Variants in FBXL4 observed in about 807,000 individuals in gnomAD.
The protein encoded by FBXL4 is F-box/LRR-repeat protein 4.
FBXL4 carries 40 observed loss-of-function variants against 58.9 expected under a neutral mutation model. The ratio of observed to expected loss-of-function variants is 0.68; its 90% confidence interval spans 0.53 to 0.88. The LOEUF is 0.88. Ranked by LOEUF, FBXL4 falls within the 40% of genes least tolerant of loss-of-function variation. FBXL4 has a pLI of 0.00. For synonymous variants in FBXL4, 263 were observed against 265.5 expected (o/e 0.99, Z 0.09); for missense variants, 676 against 734.4 (o/e 0.92, Z 0.92).
At chr6:98,884,171 TG>T (rs1770951029) in intron 7 of FBXL4, among the ~76,000 whole-genome samples, 1 of 152,136 alleles carries the variant, frequency 6.6e-6, no homozygotes, top group Non-Finnish European at 1.5e-5. Flanking sequence ...GTAGCATTGC[TG>T]TAAATTCTTT....
Position 98,924,587 on chromosome 6 carries a change from T to C in FBXL4, c.512+1890A>G, listed in dbSNP as rs150658029. ...AAAACAAAAGATCCTACTCCATTTTTTCCTCTTAGGGAGAAAACAAAAATC... is the reference window on the plus strand; with the variant it reads ...AAAACAAAAGATCCTACTCCATTTTCTCCTCTTAGGGAGAAAACAAAAATC... On this transcript the variant is annotated intron_variant, in intron 4 of 9. Coordinates refer to ENST00000369244, the MANE Select transcript of FBXL4 (RefSeq NM_001278716.2). Among the ~76,000 whole-genome samples, 410 of 152,260 alleles carry C rather than the reference T, an allele frequency of 2.7e-3. 2 individuals are homozygous for C. The highest frequency in any genetic ancestry group is 9.4e-3 in the African/African-American group (390 of 41,558).
chr6:98,923,032 A>G (rs565615408), intron 4 of FBXL4, among the ~76,000 whole-genome samples: 15 of 152,270 alleles, frequency 9.9e-5, no homozygotes, highest in Admixed American at 9.8e-4. Flanking sequence ...GTTTACACTT[A>G]CAACCTTCTT....
At chr6:98,912,916 T>C (rs1429229758) in intron 5 of FBXL4, among the ~76,000 whole-genome samples, 1 of 152,064 alleles carries the variant, frequency 6.6e-6, no homozygotes, top group African/African-American at 2.4e-5. Flanking sequence ...ATCAGTGTGC[T>C]GTATTCAGGA....
intron 7 of FBXL4, among the ~76,000 whole-genome samples, chr6:98,891,179 G>A (rs557042981): frequency 5.3e-5 from 8 of 152,176 alleles, no homozygotes; most frequent in African/African-American, 1.7e-4. Flanking sequence ...ACATTGTGGT[G>A]GAGAGTTAGA....
chr6:98,889,662 G>C (rs1771154980), intron 7 of FBXL4, among the ~76,000 whole-genome samples: 1 of 139,422 alleles, frequency 7.2e-6, no homozygotes, highest in African/African-American at 2.8e-5. Flanking sequence ...CTGGGTGACA[G>C]AGTGACACCC....
At chr6:98,897,320 G>A (rs1012703112) in intron 7 of FBXL4, 3 of 984,960 alleles carry the variant, frequency 3.0e-6, no homozygotes, top group Non-Finnish European at 2.4e-6. Flanking sequence ...CACACAAATG[G>A]GGAGTCATTT....
At chr6:98,874,469 A>C (rs774597212) in intron 9 of FBXL4, 28 bp from the exon 10 acceptor site, 32 of 1,591,696 alleles carry the variant, frequency 2.0e-5, no homozygotes, top group Non-Finnish European at 2.4e-5. Flanking sequence ...AACAAAACAA[A>C]ACAAAACACC....
chr6:98,874,705 C>T (rs1489561025), intron 9 of FBXL4, among the ~76,000 whole-genome samples: 3 of 152,180 alleles, frequency 2.0e-5, no homozygotes, highest in Non-Finnish European at 2.9e-5. Context: ...CTACCTCCTA[C>T]CCCTTCAAAT....
chr6:98,934,890 A>G lies in FBXL4; in HGVS notation c.-308-11T>C, dbSNP rs913694759. On this transcript the variant is annotated splice_polypyrimidine_tract_variant and intron_variant, in intron 1 of 9. Coordinates refer to ENST00000369244, the MANE Select transcript of FBXL4 (RefSeq NM_001278716.2). ...GCCAGGAAGAAAAATCTAAAAGCAG[A>G]GCAAAAATCTCAAAAACCAGAGGTA... The G allele has an allele frequency of 6.6e-6, 1 of 152,244 alleles. No homozygotes were observed. Among genetic ancestry groups the G allele is most frequent in the Non-Finnish European group, 1.5e-5 (1 of 68,050 alleles). The allele number at this position is 152,244 out of a possible 1,614,324, so 9.4% of individuals were successfully genotyped here.
chr6:98,906,342 A>C (rs181894135), intron 5 of FBXL4, among the ~76,000 whole-genome samples: 1 of 151,018 alleles, frequency 6.6e-6, no homozygotes, highest in African/African-American at 2.4e-5. Flanking sequence ...CCACCCCCCA[A>C]CAGGCCCCAG....
intron 6 of FBXL4, among the ~76,000 whole-genome samples, chr6:98,902,273 T>C (rs1300119516): frequency 6.6e-6 from 1 of 152,126 alleles, no homozygotes; most frequent in Non-Finnish European, 1.5e-5. Context: ...ATATTCAAGA[T>C]AATTTTAATC....
intron 5 of FBXL4, among the ~76,000 whole-genome samples, chr6:98,908,724 T>C (rs1771912270): frequency 6.6e-6 from 1 of 151,996 alleles, no homozygotes; most frequent in Non-Finnish European, 1.5e-5. Flanking sequence ...TTTATTTGTG[T>C]TTCTTTTTTT....
intron 1 of FBXL4, among the ~76,000 whole-genome samples, chr6:98,938,478 A>G (rs1166885757): frequency 1.3e-5 from 2 of 152,234 alleles, no homozygotes; most frequent in Admixed American, 6.5e-5. Flanking sequence ...ATAGCAAGGT[A>G]TTAATACTTC....
In FBXL4 at chr6:98,875,302, G is replaced by C. The variant is rs753901284; in HGVS notation, c.1702+113C>G. On this transcript the variant is annotated intron_variant, in intron 9 of 9. Transcript: ENST00000369244. Reference sequence around the variant, plus strand: ...CTATCAAACCAAGCCATCTTATCAGGATAAAATTTTTATTGTATCCAAAAA... The same window carrying C: ...CTATCAAACCAAGCCATCTTATCAGCATAAAATTTTTATTGTATCCAAAAA... The C allele has an allele frequency of 5.5e-6, 5 of 909,852 alleles. No homozygotes were observed. The East Asian group carries it at 1.0e-4, about 19-fold the overall frequency. The allele number at this position is 909,852 out of a possible 1,614,324, so 56.4% of individuals were successfully genotyped here. A position where few individuals can be genotyped will look rare whatever the true frequency, so the allele number is the denominator to read the frequency against.
chr6:98,896,518 T>A (rs966610418), intron 7 of FBXL4, among the ~76,000 whole-genome samples: 50 of 152,292 alleles, frequency 3.3e-4, no homozygotes, highest in African/African-American at 1.1e-3. Flanking sequence ...TTCGGAGGCA[T>A]TAAAAGTAAA....
At chr6:98,947,274 C>T (rs1582470867) in intron 1 of FBXL4, among the ~76,000 whole-genome samples, 1 of 152,252 alleles carries the variant, frequency 6.6e-6, no homozygotes, top group South Asian at 2.1e-4. Flanking sequence ...CATCATCACA[C>T]TCTAGGGGCA....
At chr6:98,889,180 A>G (rs140686260) in intron 7 of FBXL4, among the ~76,000 whole-genome samples, 5 of 152,384 alleles carry the variant, frequency 3.3e-5, no homozygotes, top group Non-Finnish European at 7.3e-5. Flanking sequence ...GGCAAAAACA[A>G]CTGTAAAGCA....
intron 7 of FBXL4, among the ~76,000 whole-genome samples, chr6:98,883,609 A>T (rs1770928469): frequency 2.6e-5 from 4 of 151,776 alleles, no homozygotes; most frequent in African/African-American, 7.3e-5. Context: ...ATATGGTAGG[A>T]TATCAAATTT....
chr6:98,882,192 A>G (rs1353224807), intron 7 of FBXL4, among the ~76,000 whole-genome samples: 3 of 152,132 alleles, frequency 2.0e-5, no homozygotes, highest in African/African-American at 2.4e-5. Context: ...AGGTTCCAAT[A>G]TAACACCCAT....
Sources: allele counts gnomAD v4.1 joint callset (sites outside exome capture counted in the v4.1 genomes callset), GRCh38; gene constraint gnomAD v4.1.1; transcripts MANE v1.5; gene names NCBI Gene and HGNC (gene_info 2026-07-23, HGNC 2026-07-21).